The following CYP39A1 variants were observed in gnomAD, a reference collection of about 807,000 sequenced individuals.
CYP39A1 encodes 24-hydroxycholesterol 7-alpha-hydroxylase.
Under a neutral mutation model 58.1 loss-of-function variants are expected in CYP39A1, and 49 were observed. The observed-to-expected ratio is 0.84, with a 90% confidence interval of 0.67 to 1.07. CYP39A1 has a LOEUF of 1.07. Ranked by LOEUF, CYP39A1 falls within the 50% of genes least tolerant of loss-of-function variation. The probability of loss-of-function intolerance (pLI) is 0.00; values close to 1 mark genes in which losing one functional copy is unlikely to be tolerated. For missense variants in CYP39A1, 531 were observed against 539.4 expected, an observed-to-expected ratio of 0.98 and a Z score of 0.16; for synonymous variants, 209 against 187.6, an observed-to-expected ratio of 1.11 and a Z score of -0.93.
chr6:46,581,822 T>C lies in CYP39A1; in HGVS notation c.1250+5255A>G, dbSNP rs112751148. On this transcript the variant is annotated intron_variant, in intron 10 of 11. Coordinates refer to ENST00000275016, the MANE Select transcript of CYP39A1 (RefSeq NM_016593.5). ...AAAAAAGACCACTCTTGAATTGCTG[T>C]TTCTGTTCTTCTGTTCTTGACATAC... Among the ~76,000 whole-genome samples the C allele has an allele frequency of 3.2e-3, 485 of 152,332 alleles. 3 individuals are homozygous for C. The highest frequency in any genetic ancestry group is 0.019 in the South Asian group (90 of 4,828).
intron 10 of CYP39A1, among the ~76,000 whole-genome samples, chr6:46,584,496 T>G (rs1240641627): frequency 6.6e-6 from 1 of 152,106 alleles, no homozygotes; most frequent in Non-Finnish European, 1.5e-5. Flanking sequence ...ATCTGGTAGA[T>G]TCTACCACTC....
intron 6 of CYP39A1, among the ~76,000 whole-genome samples, chr6:46,627,422 A>T (rs13216850): frequency 4.0e-4 from 52 of 129,748 alleles, no homozygotes; most frequent in African/African-American, 1.2e-3. Context: ...TTATTTATTT[A>T]TTTTTTTTTT....
intron 7 of CYP39A1, among the ~76,000 whole-genome samples, chr6:46,612,110 A>G (rs1774252960): frequency 6.6e-6 from 1 of 152,250 alleles, no homozygotes; most frequent in Admixed American, 6.5e-5. Flanking sequence ...AGGGATATCA[A>G]ATAATCTACA....
chr6:46,582,869 T>G (rs1046918381), intron 10 of CYP39A1, among the ~76,000 whole-genome samples: 3 of 152,040 alleles, frequency 2.0e-5, no homozygotes, highest in Non-Finnish European at 4.4e-5. Flanking sequence ...AACCCTAACC[T>G]GACACATAGC....
intron 4 of CYP39A1, among the ~76,000 whole-genome samples, chr6:46,636,896 G>T (rs1776022437): frequency 6.6e-6 from 1 of 152,160 alleles, no homozygotes; most frequent in Admixed American, 6.5e-5. Flanking sequence ...CATTGTAGAT[G>T]AATGGTCTAC....
At chr6:46,551,369 GAA>G (rs200719212) in intron 11 of CYP39A1, among the ~76,000 whole-genome samples, 1,824 of 100,298 alleles carry the variant, frequency 0.018, 39 homozygotes, top group African/African-American at 0.06. Context: ...AAAGTAAAAT[GAA>G]AAAAAAAAAA....
Position 46,642,293 on chromosome 6 carries a change from T to A in CYP39A1, c.183A>T (p.Gly61=). The change falls in exon 2 of 12, where the codon GGA becomes GGT. Residue 61 remains glycine (G), a synonymous_variant. Coordinates refer to ENST00000275016, the MANE Select transcript of CYP39A1 (RefSeq NM_016593.5). The part of the protein sequence containing the change: ...EFIEKARIKY[G]PIFTVFAMGN... ...CCATAGCAAAGACTGTAAATATTGGTCCATACTGAAATAAAACAAACATAG... is the reference window on the plus strand; with the variant it reads ...CCATAGCAAAGACTGTAAATATTGGACCATACTGAAATAAAACAAACATAG... The A allele has an allele frequency of 6.2e-7, 1 of 1,611,252 alleles. No homozygotes were observed. The highest frequency in any genetic ancestry group is 1.1e-5 in the South Asian group (1 of 90,606).
At chr6:46,572,854 AT>A (rs1771662761) in intron 10 of CYP39A1, among the ~76,000 whole-genome samples, 1 of 151,352 alleles carries the variant, frequency 6.6e-6, no homozygotes, top group African/African-American at 2.4e-5. Context: ...ACTCTTTTCA[AT>A]TTTTTTCTCC....
chr6:46,618,828 CG>C (rs1774776262), intron 7 of CYP39A1, among the ~76,000 whole-genome samples: 1 of 151,996 alleles, frequency 6.6e-6, no homozygotes, highest in East Asian at 1.9e-4. Context: ...CTCTCCCTCT[CG>C]GGGCAAGCTA....
chr6:46,561,721 T>C (rs918300061), intron 10 of CYP39A1, among the ~76,000 whole-genome samples: 1 of 152,122 alleles, frequency 6.6e-6, no homozygotes, highest in South Asian at 2.1e-4. Context: ...TTACAACATA[T>C]AGGAGGTATT....
At chr6:46,564,367 T>G (rs806493) in intron 10 of CYP39A1, among the ~76,000 whole-genome samples, 1 of 151,498 alleles carries the variant, frequency 6.6e-6, no homozygotes, top group Non-Finnish European at 1.5e-5. Context: ...GTAATTTTTT[T>G]GTATTTTTAG....
intron 10 of CYP39A1, among the ~76,000 whole-genome samples, chr6:46,576,219 G>A (rs879012501): frequency 3.3e-5 from 5 of 152,234 alleles, no homozygotes; most frequent in South Asian, 2.1e-4. Flanking sequence ...TAAATCATTC[G>A]TGGAAAACAT....
intron 10 of CYP39A1, among the ~76,000 whole-genome samples, chr6:46,569,469 T>C (rs1213315117): frequency 6.6e-6 from 1 of 152,084 alleles, no homozygotes; most frequent in African/African-American, 2.4e-5. Context: ...GAAAAGTTTC[T>C]AATCTTTAAC....
intron 10 of CYP39A1, among the ~76,000 whole-genome samples, chr6:46,566,606 A>G (rs1771295625): frequency 1.3e-5 from 2 of 152,142 alleles, no homozygotes; most frequent in African/African-American, 4.8e-5. Context: ...GGGATTATAC[A>G]GATTACAATT....
At position 46,631,551 on chromosome 6, in the gene CYP39A1, C is replaced by A. The variant is rs571085731; in HGVS notation, c.733-481G>T. Among the ~76,000 whole-genome samples the A allele has an allele frequency of 6.3e-4, 96 of 152,290 alleles. 3 individuals carry two copies. In the South Asian group the frequency reaches 0.012, roughly 19 times the overall value. ...TCTGCCCTCCACACTGCTCTGGAAT[C>A]CCTGTCTTATAAACCTCTGCTCTTA... On this transcript the variant is annotated intron_variant, in intron 5 of 11. Transcript: ENST00000275016.
intron 7 of CYP39A1, among the ~76,000 whole-genome samples, chr6:46,624,512 A>G (rs1035789326): frequency 6.6e-6 from 1 of 152,136 alleles, no homozygotes; most frequent in Non-Finnish European, 1.5e-5. Context: ...TTAGATATTC[A>G]TGGTTGCCAA....
chr6:46,588,306 T>C (rs558604276), intron 8 of CYP39A1, among the ~76,000 whole-genome samples, 177 bp from the exon 9 acceptor site: 2 of 149,370 alleles, frequency 1.3e-5, no homozygotes, highest in South Asian at 4.2e-4. Context: ...TTATAAATAA[T>C]ATAAAATCTA....
chr6:46,586,265 T>C (rs961947557), intron 10 of CYP39A1: 27 of 982,462 alleles, frequency 2.7e-5, no homozygotes, highest in South Asian at 4.7e-5. Context: ...TTCAAGAAAC[T>C]ACAATTTTTT....
At chr6:46,592,891 G>T (rs1772927172) in intron 8 of CYP39A1, among the ~76,000 whole-genome samples, 1 of 152,240 alleles carries the variant, frequency 6.6e-6, no homozygotes, top group Non-Finnish European at 1.5e-5. Context: ...GGGAGGTGGT[G>T]GTTGCAGTGA....
Sources: allele counts gnomAD v4.1 joint callset (sites outside exome capture counted in the v4.1 genomes callset), GRCh38; gene constraint gnomAD v4.1.1; transcripts MANE v1.5; gene names NCBI Gene and HGNC (gene_info 2026-07-23, HGNC 2026-07-21).